Variants in ASPM observed in about 807,000 individuals in gnomAD.
ASPM encodes the protein abnormal spindle-like microcephaly-associated protein.
ASPM carries 256 observed loss-of-function variants against 366.4 expected under a neutral mutation model. The ratio of observed to expected loss-of-function variants is 0.70; its 90% CI spans 0.63 to 0.77. The LOEUF is 0.77. ASPM is among the 30% of genes least tolerant of loss of function. The pLI, the probability that ASPM is intolerant of heterozygous loss-of-function variation, is 0.00. For synonymous variants in ASPM, 1,414 were observed against 1,342.9 expected, an observed-to-expected ratio of 1.05 and a Z score of -1.16; for missense variants, 4,146 against 4,090.4, an observed-to-expected ratio of 1.01 and a Z score of -0.37.
chr1:197,090,876 A>T lies in ASPM; in HGVS notation c.9610T>A (p.Phe3204Ile). 1 of 1,612,976 alleles carries T rather than the reference A, an allele frequency of 6.2e-7. No homozygotes were observed. The highest frequency in any genetic ancestry group is 8.5e-7 in the Non-Finnish European group (1 of 1,179,406). The change falls in exon 23 of 28, where the codon TTC becomes ATC. Residue 3204 changes from phenylalanine (F) to isoleucine (I), a missense_variant. Around this residue, in one of 3 missense-constraint regions of ASPM, gnomAD observed 3,624 missense variants for 3,591.7 expected, o/e 1.01. Coordinates refer to ENST00000367409, the MANE Select transcript of ASPM (RefSeq NM_018136.5). ...TGAATTTTAATGATTCCACTAGTGA[A>T]TTTTTCCTGCTTTTTACGGAGGAGA... ...HFLLRKKQEK[F>I]TSGIIKIQAL...
Position 197,133,343 on chromosome 1 carries a change from T to TAAG in ASPM, c.2419+6_2419+7insCTT, listed in dbSNP as rs778788327. On this transcript the variant is annotated splice_region_variant and intron_variant, in intron 6 of 27. Transcript: ENST00000367409. The stretch of plus-strand genomic sequence containing the variant: ...AATTAATGTCAAGATTTCTGCAGTC[T>TAAG]TCTTACCCACATCTTTCCATAGGTG... 192 of 1,611,096 alleles carry TAAG rather than the reference T, an allele frequency of 1.2e-4. No individual in the cohort carries two copies. The highest frequency in any genetic ancestry group is 3.3e-4 in the Middle Eastern group (2 of 6,048).
chr1:197,115,552 T>C (rs1657715172), intron 17 of ASPM, among the ~76,000 whole-genome samples: 2 of 152,188 alleles, frequency 1.3e-5, no homozygotes, highest in African/African-American at 2.4e-5. Context: ...ATTGCATCCA[T>C]AGCCTTACAA....
chr1:197,100,502 G>A lies in ASPM; in HGVS notation c.8749C>T (p.Gln2917Ter). The A allele has an allele frequency of 6.2e-7, 1 of 1,608,986 alleles. No individual in the cohort carries two copies. Residue 2917 changes from glutamine (Q) to a stop codon, truncating the protein, a stop_gained, in exon 18 of 28, where the codon CAA becomes TAA. Coordinates refer to ENST00000367409, the MANE Select transcript of ASPM (RefSeq NM_018136.5). LOFTEE classifies it high-confidence loss of function. ...TGTATAAATCCTTTACTTCTAGCTT[G>A]AATAATGATAACACTGCTTCTGATC... is the stretch of plus-strand genomic sequence containing the variant. Reference protein sequence around the residue: ...LQIRSSVIIIQARSKGFIQKR... With the variant: ...LQIRSSVIII
chr1:197,098,373 A>G (rs1657047510), intron 18 of ASPM, among the ~76,000 whole-genome samples: 1 of 151,648 alleles, frequency 6.6e-6, no homozygotes, highest in East Asian at 1.9e-4. Context: ...TATGTTTTAA[A>G]ATTCCAGGTG....
rs1658663824 is a variant in ASPM at position 197,143,376 on chromosome 1, C to T, written c.876G>A (p.Glu292=). The part of the protein sequence containing the change: ...NSVNVNGQRG[E]NSKLSLTPNC... Reference sequence around the variant, plus strand: ...TGGGGGTAAGACTAAGTTTACTATTCTCTCCTCTTTGGCCATTAACATTTA... The same window carrying T: ...TGGGGGTAAGACTAAGTTTACTATTTTCTCCTCTTTGGCCATTAACATTTA... The change falls in exon 3 of 28, where the codon GAG becomes GAA. Residue 292 remains glutamate, a synonymous_variant. Transcript: ENST00000367409. 1.9e-6 allele frequency: 3 copies of T among 1,613,744 alleles called. No individual in the cohort carries two copies. In the African/African-American group the frequency reaches 4.0e-5, roughly 22 times the overall value.
Position 197,091,848 on chromosome 1 carries a change from T to A in ASPM, c.9444+59A>T, listed in dbSNP as rs1656795060. On this transcript the variant is annotated intron_variant, in intron 22 of 27. Transcript: ENST00000367409. Reference sequence around the variant, plus strand: ...GCATTTGGAAATTGTTTATTACATATCAAAAATTTCTAACAGAAAAATTAT... The same window carrying A: ...GCATTTGGAAATTGTTTATTACATAACAAAAATTTCTAACAGAAAAATTAT... 3 of 1,550,728 alleles carry A rather than the reference T, an allele frequency of 1.9e-6. No individual in the cohort carries two copies. In the Admixed American group the frequency reaches 5.1e-5, roughly 26 times the overall value.
rs1657241702 is a variant in ASPM, at chr1:197,102,792, A to G, written c.6459T>C (p.Tyr2153=). The G allele has an allele frequency of 6.2e-7, 1 of 1,612,424 alleles. No homozygotes were observed. The highest frequency in any genetic ancestry group is 8.5e-7 in the Non-Finnish European group (1 of 1,179,214). The change falls in exon 18 of 28, where the codon TAT becomes TAC. Residue 2153 remains tyrosine (Y), a synonymous_variant. Coordinates refer to ENST00000367409, the MANE Select transcript of ASPM (RefSeq NM_018136.5). ...TTTCACGCTGCATTTTACCTTGATA[A>G]TATGCTCTACATCTTACTTGAATAA... The part of the protein sequence containing the change: ...AIVIQVRCRA[Y]YQGKMQREKY...
At chr1:197,084,463 G>A (rs772034841) in intron 27 of ASPM, 37 bp from the exon 28 acceptor site, 78 of 1,432,380 alleles carry the variant, frequency 5.4e-5, no homozygotes, top group Non-Finnish European at 7.6e-5. Flanking sequence ...CATTAATAAA[G>A]TTCTTCTCTT....
Position 197,088,439 on chromosome 1 carries a change from G to T in ASPM, c.9985-7C>A. Reference sequence around the variant, plus strand: ...CTGAAGTAGTTTTCTCATACTTGAAGAGAACAGAATGAAATTAAAAGTTGT... The same window carrying T: ...CTGAAGTAGTTTTCTCATACTTGAATAGAACAGAATGAAATTAAAAGTTGT... On this transcript the variant is annotated splice_polypyrimidine_tract_variant and splice_region_variant and intron_variant, in intron 25 of 27. Transcript: ENST00000367409. The T allele has an allele frequency of 6.3e-7, 1 of 1,585,136 alleles. No homozygotes were observed.
rs115195513 is a variant in ASPM, at chr1:197,133,037, T to C, written c.2419+313A>G. 0.014 allele frequency among the ~76,000 whole-genome samples: 2,150 copies of C among 152,252 alleles called. 46 individuals carry two copies. Among genetic ancestry groups the C allele is most frequent in the African/African-American group, 0.046 (1,906 of 41,540 alleles). Reference sequence around the variant, plus strand: ...TCAGTTACGCAGGATGAATAAATTCTGGAGATCGAATGTACACCATGACGA... The same window carrying C: ...TCAGTTACGCAGGATGAATAAATTCCGGAGATCGAATGTACACCATGACGA... On this transcript the variant is annotated intron_variant, in intron 6 of 27. Transcript: ENST00000367409.
rs1292454651 is a variant in ASPM, at chr1:197,124,894, A to G, written c.3144T>C (p.Leu1048=). ...DRHREKTLRL[L]WKIAFAFQVD... The stretch of plus-strand genomic sequence containing the variant: ...CCTGAAAAGCAAACGCTATTTTCCA[A>G]AGCAACCTGAGAGTTTTTTCTCTGT... Residue 1048 remains leucine, a synonymous_variant, in exon 12 of 28, where the codon CTT becomes CTC. Transcript: ENST00000367409. The G allele has an allele frequency of 1.2e-5, 19 of 1,609,740 alleles. No homozygotes were observed. In the East Asian group the frequency reaches 4.2e-4, roughly 36 times the overall value.
At chr1:197,133,681 C>A (rs188590651) in intron 5 of ASPM, 86 bp from the exon 6 acceptor site, 18 of 1,480,446 alleles carry the variant, frequency 1.2e-5, no homozygotes, top group Admixed American at 3.6e-5. Context: ...CAATTTCAGA[C>A]GGTAAAAACA....
chr1:197,142,512 G>T lies in ASPM; in HGVS notation c.1740C>A (p.Ser580Arg). The T allele has an allele frequency of 6.2e-7, 1 of 1,613,998 alleles. No homozygotes were observed. Among genetic ancestry groups the T allele is most frequent in the Non-Finnish European group, 8.5e-7 (1 of 1,179,896 alleles). The change falls in exon 3 of 28, where the codon AGC (serine) becomes AGA (arginine). Residue 580 changes from serine (S) to arginine (R), a missense_variant. Physicochemically the swap from Ser to Arg is moderately radical, Grantham distance 110. This residue lies in a region of ASPM where 3,624 missense variants were observed against 3,591.7 expected (regional missense o/e 1.01). Coordinates refer to ENST00000367409, the MANE Select transcript of ASPM (RefSeq NM_018136.5). Reference sequence around the variant, plus strand: ...CAACTCTCACATTTGCATCTTCCATGCTTCCATCGCTCTTTCTTTTCCGAG... The same window carrying T: ...CAACTCTCACATTTGCATCTTCCATTCTTCCATCGCTCTTTCTTTTCCGAG... ...SVARKRKSDGSMEDANVRVAI... is the reference protein window; with the variant it reads ...SVARKRKSDGRMEDANVRVAI...
intron 16 of ASPM, among the ~76,000 whole-genome samples, chr1:197,120,047 C>T (rs559020092): frequency 8.0e-4 from 122 of 151,788 alleles, no homozygotes; most frequent in Non-Finnish European, 1.3e-3. Flanking sequence ...AGTATGGTCA[C>T]CAAGAAAAAG....
In ASPM at chr1:197,142,410, A is replaced by G; in HGVS notation, c.1842T>C (p.Val614=). ...FSPSEPKTSA[V]KKTKNVTTPI... ...GTGTTGTCACATTTTTTGTTTTCTT[A>G]ACAGCTGATGTTTTAGGCTCTGAGG... Residue 614 remains valine (V), a synonymous_variant, in exon 3 of 28, where the codon GTT becomes GTC. Transcript: ENST00000367409. 1.2e-6 allele frequency: 2 copies of G among 1,613,844 alleles called. No individual in the cohort carries two copies. Among genetic ancestry groups the G allele is most frequent in the Non-Finnish European group, 1.7e-6 (2 of 1,179,816 alleles).
chr1:197,128,449 T>A (rs923173725), intron 10 of ASPM, 41 bp downstream of exon 10: 5 of 1,558,796 alleles, frequency 3.2e-6, no homozygotes, highest in Non-Finnish European at 4.4e-6. Context: ...AAAATGTTAG[T>A]CTATTCCATT....
Position 197,128,587 on chromosome 1 carries a change from A to C in ASPM, c.2839T>G (p.Leu947Val), listed in dbSNP as rs773036193. Residue 947 changes from leucine to valine, a missense_variant, in exon 10 of 28, where the codon TTG becomes GTG. Coordinates refer to ENST00000367409, the MANE Select transcript of ASPM (RefSeq NM_018136.5). Reference sequence around the variant, plus strand: ...TGAACATGGTTAACAGGTAATCCCAATAAGCCAAGGTGACGGGAAAGGTCA... The same window carrying C: ...TGAACATGGTTAACAGGTAATCCCACTAAGCCAAGGTGACGGGAAAGGTCA... ...EGDLSRHLGL[L>V]GLPVNHVQTP... is the part of the protein sequence containing the mutation. 6.2e-7 allele frequency: 1 copy of C among 1,613,876 alleles called. No individual in the cohort carries two copies. The highest frequency in any genetic ancestry group is 1.7e-5 in the Admixed American group (1 of 60,000).
Position 197,100,415 on chromosome 1 carries a change from TTAAA to T in ASPM, c.8820+12_8820+15del, listed in dbSNP as rs1275687714. On this transcript the variant is annotated intron_variant, in intron 18 of 27. Coordinates refer to ENST00000367409, the MANE Select transcript of ASPM (RefSeq NM_018136.5). ...AAAGACTCACAGTTTTATATTTAAATTAAATATAGAAATACCTGAATTTTTATGG... is the reference window on the plus strand; with the variant it reads ...AAAGACTCACAGTTTTATATTTAAATTATAGAAATACCTGAATTTTTATGG... 5 of 1,424,632 alleles carry T rather than the reference TTAAA, an allele frequency of 3.5e-6. No individual in the cohort carries two copies. The allele number at this position is 1,424,632 out of a possible 1,614,324, so 88.2% of individuals were successfully genotyped here. A position where few individuals can be genotyped will look rare whatever the true frequency, so the allele number is the denominator to read the frequency against.
chr1:197,112,186 G>A (rs956681232), intron 17 of ASPM, among the ~76,000 whole-genome samples: 1 of 152,150 alleles, frequency 6.6e-6, no homozygotes, highest in Non-Finnish European at 1.5e-5. Flanking sequence ...CCACAAGAAA[G>A]AATGAAATCA....
Sources: allele counts gnomAD v4.1 joint callset (sites outside exome capture counted in the v4.1 genomes callset), GRCh38; gene constraint gnomAD v4.1.1; regional missense constraint gnomAD v4.1.1; transcripts MANE v1.5; gene names NCBI Gene and HGNC (gene_info 2026-07-23, HGNC 2026-07-21).